The following RAPGEF4 variants were observed in gnomAD, a reference collection of about 807,000 sequenced individuals.
RAPGEF4 encodes RAP guanine-nucleotide-exchange factor (GEF) 4.
RAPGEF4 carries 66 observed loss-of-function variants against 147.9 expected under a neutral mutation model. The ratio of observed to expected loss-of-function variants is 0.45; its 90% CI spans 0.37 to 0.55. The LOEUF (loss-of-function observed/expected upper bound fraction) is 0.55, where lower values mean the gene tolerates loss of function less well. RAPGEF4 is among the 20% of genes least tolerant of loss of function. The pLI, the probability that RAPGEF4 is intolerant of heterozygous loss-of-function variation, is 0.00. For missense variants in RAPGEF4, 1,071 were observed against 1,257.3 expected (o/e 0.85, Z 2.24); for synonymous variants, 419 against 442.7 (o/e 0.95, Z 0.67).
intron 3 of RAPGEF4, among the ~76,000 whole-genome samples, chr2:172,807,315 G>A (rs1301971083): frequency 2.0e-5 from 3 of 152,272 alleles, no homozygotes; most frequent in Non-Finnish European, 4.4e-5. Flanking sequence ...TTACCAGAAT[G>A]CTAATGCTAG....
intron 23 of RAPGEF4, among the ~76,000 whole-genome samples, chr2:173,023,505 G>A (rs1696319988): frequency 6.6e-6 from 1 of 152,154 alleles, no homozygotes; most frequent in Non-Finnish European, 1.5e-5. Flanking sequence ...CACTTCTAAG[G>A]GAGAAGCACC....
chr2:172,918,141 C>G, intron 5 of RAPGEF4: 1 of 581,608 alleles, frequency 1.7e-6, no homozygotes, highest in South Asian at 1.7e-5. Flanking sequence ...AAAATATCTT[C>G]ATCTTATAGT....
At chr2:172,996,661 A>T in intron 16 of RAPGEF4, 107 bp downstream of exon 16, 1 of 734,536 alleles carries the variant, frequency 1.4e-6, no homozygotes, top group Non-Finnish European at 2.3e-6. Flanking sequence ...TGGGAAGGGG[A>T]TTCTGTGTAT....
intron 8 of RAPGEF4, among the ~76,000 whole-genome samples, chr2:172,963,172 C>T (rs1689475739): frequency 6.6e-6 from 1 of 152,082 alleles, no homozygotes; most frequent in African/African-American, 2.4e-5. Flanking sequence ...GGAAAATTTG[C>T]CCCCGTGATC....
At chr2:172,816,140 A>C (rs1688480703) in intron 4 of RAPGEF4, among the ~76,000 whole-genome samples, 1 of 152,126 alleles carries the variant, frequency 6.6e-6, no homozygotes, top group Non-Finnish European at 1.5e-5. Flanking sequence ...ATTATCTAAT[A>C]CCCAGTCTAT....
At chr2:172,936,141 G>A (rs988698348) in intron 6 of RAPGEF4, among the ~76,000 whole-genome samples, 1 of 152,118 alleles carries the variant, frequency 6.6e-6, no homozygotes, top group Non-Finnish European at 1.5e-5. Context: ...GGCCGAGGTG[G>A]GTGGGTTGCC....
intron 1 of RAPGEF4, among the ~76,000 whole-genome samples, chr2:172,745,030 A>T (rs1480710422): frequency 2.0e-5 from 3 of 152,096 alleles, no homozygotes; most frequent in Admixed American, 6.5e-5. Context: ...TGCTACTTTC[A>T]TGTCAATTCA....
chr2:172,898,467 C>T (rs1433457951), intron 4 of RAPGEF4, among the ~76,000 whole-genome samples: 1 of 152,164 alleles, frequency 6.6e-6, no homozygotes, highest in Non-Finnish European at 1.5e-5. Context: ...CTCTGACCCA[C>T]CTCACTCTGT....
At position 172,768,208 on chromosome 2, in the gene RAPGEF4, A is replaced by C. The variant is rs990316180; in HGVS notation, c.66-26817A>C. On this transcript the variant is annotated intron_variant, in intron 1 of 30. Transcript: ENST00000397081. ...CCAATCTCTACCAGGTGAAATCTTGAGAGTTATTAAAGTCAAGGAGGGAGC... is the reference window on the plus strand; with the variant it reads ...CCAATCTCTACCAGGTGAAATCTTGCGAGTTATTAAAGTCAAGGAGGGAGC... Among the ~76,000 whole-genome samples, 4 of 152,154 alleles carry C rather than the reference A, an allele frequency of 2.6e-5. No individual in the cohort carries two copies. The South Asian group carries it at 8.3e-4, about 32-fold the overall frequency.
intron 16 of RAPGEF4, among the ~76,000 whole-genome samples, chr2:172,999,004 GCTT>G (rs1446867183): frequency 2.0e-5 from 3 of 152,174 alleles, no homozygotes; most frequent in African/African-American, 7.2e-5. Flanking sequence ...TGCTGCTTCT[GCTT>G]CTTTTGTTTA....
At chr2:172,918,161 T>C (rs1411872897) in intron 5 of RAPGEF4, 1 of 542,254 alleles carries the variant, frequency 1.8e-6, no homozygotes, top group East Asian at 3.6e-5. Flanking sequence ...TGAAATCCAG[T>C]GTTCTTTCTG....
At chr2:173,017,626 T>A in intron 21 of RAPGEF4, 122 bp downstream of exon 21, 1 of 952,266 alleles carries the variant, frequency 1.1e-6, no homozygotes, top group South Asian at 1.6e-5. Flanking sequence ...CTCCAGATGG[T>A]TTGCTTGGAG....
chr2:172,892,572 T>G (rs775921501), intron 4 of RAPGEF4, among the ~76,000 whole-genome samples: 4 of 152,228 alleles, frequency 2.6e-5, no homozygotes, highest in Non-Finnish European at 5.9e-5. Flanking sequence ...CTTCTGAAGG[T>G]TCACCTCAGA....
At chr2:172,736,415 G>A (rs111966586) in intron 1 of RAPGEF4, among the ~76,000 whole-genome samples, 91 of 152,300 alleles carry the variant, frequency 6.0e-4, no homozygotes, top group Non-Finnish European at 1.2e-3. Flanking sequence ...CGGCTATTCA[G>A]ACCTTGCGGG....
intron 1 of RAPGEF4, among the ~76,000 whole-genome samples, chr2:172,765,433 T>A (rs1246720469): frequency 6.6e-6 from 1 of 152,206 alleles, no homozygotes; most frequent in East Asian, 1.9e-4. Context: ...TTTGAAGACC[T>A]GTGTCTAATA....
intron 1 of RAPGEF4, among the ~76,000 whole-genome samples, chr2:172,771,667 A>T (rs895595929): frequency 3.3e-5 from 5 of 151,702 alleles, no homozygotes; most frequent in Non-Finnish European, 2.9e-5. Flanking sequence ...CTTGTCACAA[A>T]CTCCTGGGCA....
intron 4 of RAPGEF4, among the ~76,000 whole-genome samples, chr2:172,859,502 G>T (rs1475421400): frequency 6.6e-6 from 1 of 152,190 alleles, no homozygotes; most frequent in East Asian, 1.9e-4. Flanking sequence ...TTGATAGCAG[G>T]TTGCAACAAG....
chr2:172,836,472 T>C (rs1018304377), intron 4 of RAPGEF4, among the ~76,000 whole-genome samples: 1 of 152,244 alleles, frequency 6.6e-6, no homozygotes, highest in Non-Finnish European at 1.5e-5. Context: ...ATTCTGTCCA[T>C]GTGATTAAAC....
At chr2:172,925,552 C>T (rs1685197074) in intron 6 of RAPGEF4, among the ~76,000 whole-genome samples, 1 of 148,874 alleles carries the variant, frequency 6.7e-6, no homozygotes, top group South Asian at 2.2e-4. Flanking sequence ...AGAAAAACAA[C>T]CACGCAGCCA....
Sources: allele counts gnomAD v4.1 joint callset (sites outside exome capture counted in the v4.1 genomes callset), GRCh38; gene constraint gnomAD v4.1.1; transcripts MANE v1.5; gene names NCBI Gene and HGNC (gene_info 2026-07-23, HGNC 2026-07-21).